Variants in PPM1L observed in about 807,000 individuals in gnomAD.
PPM1L encodes the protein protein phosphatase 1L.
A neutral mutation model predicts 31.4 loss-of-function variants in PPM1L; 13 were observed. That is an observed-to-expected ratio of 0.41 (90% CI 0.27 to 0.66). The LOEUF (loss-of-function observed/expected upper bound fraction) is 0.66. Among genes scored for constraint, PPM1L ranks in the 30% least tolerant of loss-of-function variants. The pLI is 0.29. For synonymous variants in PPM1L, 184 were observed against 175.4 expected (o/e 1.05, Z -0.39); for missense variants, 326 against 453.7 (o/e 0.72, Z 2.56).
intron 1 of PPM1L, among the ~76,000 whole-genome samples, chr3:160,844,632 G>C (rs567486224): frequency 6.6e-6 from 1 of 152,136 alleles, no homozygotes; most frequent in African/African-American, 2.4e-5. Context: ...TTTACAACTT[G>C]TTAGTTTTTC....
At chr3:160,827,380 C>T (rs1451698082) in intron 1 of PPM1L, among the ~76,000 whole-genome samples, 2 of 151,670 alleles carry the variant, frequency 1.3e-5, no homozygotes, top group Non-Finnish European at 2.9e-5. Flanking sequence ...TTCTCTTTTC[C>T]CCCTCTTGTA....
chr3:160,782,518 G>A (rs1464830256), intron 1 of PPM1L, among the ~76,000 whole-genome samples: 1 of 152,188 alleles, frequency 6.6e-6, no homozygotes, highest in Non-Finnish European at 1.5e-5. Context: ...TCTGGGCTAT[G>A]TGGAAAGGTT....
intron 1 of PPM1L, among the ~76,000 whole-genome samples, chr3:160,782,276 C>T (rs1194616128): frequency 1.3e-5 from 2 of 152,100 alleles, no homozygotes; most frequent in African/African-American, 2.4e-5. Context: ...AGGTTTATCA[C>T]GTTCACCTTT....
At chr3:160,830,352 G>A (rs1713487357) in intron 1 of PPM1L, among the ~76,000 whole-genome samples, 1 of 152,152 alleles carries the variant, frequency 6.6e-6, no homozygotes, top group Non-Finnish European at 1.5e-5. Context: ...GAAAAAGCAT[G>A]TATATAGTTC....
chr3:160,820,780 G>A (rs1041785649), intron 1 of PPM1L, among the ~76,000 whole-genome samples: 4 of 151,934 alleles, frequency 2.6e-5, no homozygotes, highest in Non-Finnish European at 4.4e-5. Flanking sequence ...CTCTTTTTCT[G>A]TTAATGGATA....
chr3:160,887,523 C>T (rs923197714), intron 1 of PPM1L, among the ~76,000 whole-genome samples: 3 of 151,822 alleles, frequency 2.0e-5, no homozygotes, highest in Non-Finnish European at 4.4e-5. Flanking sequence ...AACAGCAGAT[C>T]TCTCAGCAGA....
chr3:160,783,457 G>A (rs992727801), intron 1 of PPM1L, among the ~76,000 whole-genome samples: 2 of 151,826 alleles, frequency 1.3e-5, no homozygotes, highest in African/African-American at 4.8e-5. Flanking sequence ...AAAATTAGCC[G>A]GGCGTGGTGG....
At chr3:160,950,262 A>G (rs1715540271) in intron 1 of PPM1L, among the ~76,000 whole-genome samples, 1 of 151,920 alleles carries the variant, frequency 6.6e-6, no homozygotes, top group Non-Finnish European at 1.5e-5. Context: ...TTAGCATACT[A>G]CCCCTCCTTA....
chr3:160,821,419 T>G (rs1713198915), intron 1 of PPM1L, among the ~76,000 whole-genome samples: 1 of 152,108 alleles, frequency 6.6e-6, no homozygotes, highest in Non-Finnish European at 1.5e-5. Flanking sequence ...GTCATATTTT[T>G]TAATTTCTGC....
chr3:160,940,511 G>C (rs1715128848), intron 1 of PPM1L, among the ~76,000 whole-genome samples: 1 of 152,192 alleles, frequency 6.6e-6, no homozygotes, highest in Non-Finnish European at 1.5e-5. Flanking sequence ...TTGGTGCCTT[G>C]TGTCCCAGCC....
chr3:160,977,726 T>C (rs1319797678), intron 2 of PPM1L, among the ~76,000 whole-genome samples: 2 of 152,108 alleles, frequency 1.3e-5, no homozygotes, highest in African/African-American at 4.8e-5. Context: ...CGAAAGCAAA[T>C]GTACTATCCA....
At chr3:161,065,338 C>G (rs1719702851) in intron 2 of PPM1L, 65 bp from the exon 3 acceptor site, 1 of 1,509,176 alleles carries the variant, frequency 6.6e-7, no homozygotes, top group South Asian at 1.2e-5. Context: ...CCAGTTACCA[C>G]AAGAAGCAAT....
chr3:160,792,568 A>G (rs1470263693), intron 1 of PPM1L, among the ~76,000 whole-genome samples: 4 of 152,210 alleles, frequency 2.6e-5, no homozygotes, highest in African/African-American at 9.6e-5. Flanking sequence ...ACTAAAGTCC[A>G]TACTTGCAAT....
chr3:160,968,916 C>T (rs1205736051), intron 2 of PPM1L, among the ~76,000 whole-genome samples: 1 of 152,178 alleles, frequency 6.6e-6, no homozygotes, highest in Non-Finnish European at 1.5e-5. Context: ...GCTTTCTGTT[C>T]TTACAGTTTG....
chr3:160,837,515 C>A (rs899405441), intron 1 of PPM1L, among the ~76,000 whole-genome samples: 1 of 152,180 alleles, frequency 6.6e-6, no homozygotes, highest in Admixed American at 6.5e-5. Flanking sequence ...AATGCTTGCC[C>A]TTCCTTCTTT....
chr3:161,065,896 A>T (rs773736416), intron 3 of PPM1L, among the ~76,000 whole-genome samples: 6 of 152,216 alleles, frequency 3.9e-5, no homozygotes, highest in Non-Finnish European at 8.8e-5. Context: ...ATTCCTAAAA[A>T]GACCTTGTTT....
chr3:160,946,588 C>T (rs1715417965), intron 1 of PPM1L, among the ~76,000 whole-genome samples: 1 of 152,136 alleles, frequency 6.6e-6, no homozygotes, highest in African/African-American at 2.4e-5. Context: ...AAATACTAGG[C>T]CACTCTATAC....
chr3:160,949,162 G>A (rs1362970565), intron 1 of PPM1L, among the ~76,000 whole-genome samples: 3 of 152,102 alleles, frequency 2.0e-5, no homozygotes, highest in South Asian at 2.1e-4. Flanking sequence ...CCCAGTGACC[G>A]AATTTTGTAG....
intron 2 of PPM1L, among the ~76,000 whole-genome samples, chr3:161,032,486 C>T (rs1379703131): frequency 1.3e-5 from 2 of 152,104 alleles, no homozygotes; most frequent in Non-Finnish European, 2.9e-5. Context: ...GGATTCCTGC[C>T]CTTGTGTTAG....
Sources: allele counts gnomAD v4.1 joint callset (sites outside exome capture counted in the v4.1 genomes callset), GRCh38; gene constraint gnomAD v4.1.1; transcripts MANE v1.5; gene names NCBI Gene and HGNC (gene_info 2026-07-23, HGNC 2026-07-21).